The following CDH18 variants were observed in gnomAD, a reference collection of about 807,000 sequenced individuals.
CDH18 encodes cadherin-18.
In CDH18, 31 loss-of-function variants were observed where a neutral mutation model predicts 67.9. The ratio of observed to expected loss-of-function variants is 0.46; its 90% CI spans 0.34 to 0.62. The LOEUF is 0.62. Among genes scored for constraint, CDH18 ranks in the 20% least tolerant of loss-of-function variants. CDH18 has a pLI of 0.01. For missense variants in CDH18, 890 were observed against 975.5 expected, an observed-to-expected ratio of 0.91 and a Z score of 1.17; for synonymous variants, 362 against 347.2, an observed-to-expected ratio of 1.04 and a Z score of -0.48.
intron 11 of CDH18, among the ~76,000 whole-genome samples, chr5:19,490,639 T>C (rs1741314847): frequency 6.6e-6 from 1 of 151,966 alleles, no homozygotes; most frequent in Admixed American, 6.6e-5. Context: ...GATCTCAATC[T>C]CTGGACCTCA....
At chr5:20,304,610 CAG>C in intron 1 of CDH18, 6 of 1,611,998 alleles carry the variant, frequency 3.7e-6, no homozygotes, top group Non-Finnish European at 5.1e-6. Context: ...GAGCCCAAAA[CAG>C]AGCTATCAAC....
At chr5:20,249,618 C>G (rs544692807) in intron 2 of CDH18, among the ~76,000 whole-genome samples, 74 of 152,196 alleles carry the variant, frequency 4.9e-4, no homozygotes, top group Non-Finnish European at 9.4e-4. Flanking sequence ...GATCCGCCCG[C>G]CTCGGCCTCC....
intron 1 of CDH18, among the ~76,000 whole-genome samples, chr5:20,366,083 T>G (rs1315235228): frequency 1.3e-5 from 2 of 152,162 alleles, no homozygotes; most frequent in African/African-American, 2.4e-5. Context: ...TCTTCCATGA[T>G]CATCAGAGGT....
At chr5:19,618,931 TAA>T in intron 5 of CDH18, among the ~76,000 whole-genome samples, 1 of 152,314 alleles carries the variant, frequency 6.6e-6, no homozygotes, top group East Asian at 1.9e-4. Flanking sequence ...TTGGCAGCAG[TAA>T]GTCTTCTCTT....
chr5:19,967,291 T>C (rs1275757142), intron 2 of CDH18, among the ~76,000 whole-genome samples: 1 of 152,098 alleles, frequency 6.6e-6, no homozygotes, highest in Non-Finnish European at 1.5e-5. Flanking sequence ...AATATTATTT[T>C]AGACTTTTGA....
chr5:19,900,872 C>T (rs745761099), intron 2 of CDH18, among the ~76,000 whole-genome samples: 1 of 152,060 alleles, frequency 6.6e-6, no homozygotes. Flanking sequence ...TGAATAAAAA[C>T]ATGAATTTTT....
chr5:20,209,325 C>A (rs1313295580), intron 2 of CDH18, among the ~76,000 whole-genome samples: 4 of 151,930 alleles, frequency 2.6e-5, no homozygotes, highest in Non-Finnish European at 4.4e-5. Context: ...CAGCACTATA[C>A]AAAATAGCCA....
At chr5:19,980,304 A>C (rs771810924) in intron 2 of CDH18, among the ~76,000 whole-genome samples, 3 of 152,190 alleles carry the variant, frequency 2.0e-5, no homozygotes. Flanking sequence ...GAAATCATAG[A>C]TGACACAAAC....
Position 19,994,738 on chromosome 5 carries a change from TAGAGAGAGAGAGAGAGAGAGAGAGAG to T in CDH18, c.-517-2750_-517-2725del, listed in dbSNP as rs869278538. ...ATATATATATATATATATATATATA[TAGAGAGAGAGAGAGAGAGAGAGAGAG>T]AGAGAGAGAGAGAGAGAGAGAGAGA... On this transcript the variant is annotated intron_variant, in intron 2 of 14. Transcript: ENST00000507958. Among the ~76,000 whole-genome samples the T allele has an allele frequency of 8.4e-3, 114 of 13,568 alleles. 1 individual carries two copies. The highest frequency in any genetic ancestry group is 0.011 in the Non-Finnish European group (88 of 8,282). 8.9% of individuals were successfully genotyped at this position (13,568 alleles called of 152,430 possible).
chr5:20,047,627 T>C (rs569997406), intron 2 of CDH18, among the ~76,000 whole-genome samples: 213 of 151,906 alleles, frequency 1.4e-3, no homozygotes, highest in African/African-American at 4.8e-3. Flanking sequence ...TTGTTTAAGT[T>C]TGAAAAGTGC....
intron 5 of CDH18, among the ~76,000 whole-genome samples, chr5:19,669,538 G>A (rs188386433): frequency 1.3e-4 from 20 of 152,042 alleles, no homozygotes; most frequent in South Asian, 6.2e-4. Context: ...TGATCCTCCC[G>A]TCTCGGCCTC....
chr5:19,720,986 A>C (rs1766019464), intron 5 of CDH18, among the ~76,000 whole-genome samples: 1 of 152,166 alleles, frequency 6.6e-6, no homozygotes, highest in Non-Finnish European at 1.5e-5. Context: ...CTAAGAATTA[A>C]AACTAATATA....
chr5:19,880,368 C>T (rs147465294), intron 2 of CDH18, among the ~76,000 whole-genome samples: 3 of 151,878 alleles, frequency 2.0e-5, no homozygotes. Flanking sequence ...GAATGCAAAT[C>T]GAGTAATTTT....
chr5:19,639,654 A>G (rs1436262304), intron 5 of CDH18, among the ~76,000 whole-genome samples: 3 of 152,218 alleles, frequency 2.0e-5, no homozygotes, highest in Non-Finnish European at 4.4e-5. Context: ...CAGAGAGCAC[A>G]CAAGTGCTAT....
intron 5 of CDH18, among the ~76,000 whole-genome samples, chr5:19,618,442 A>C (rs371344635): frequency 3.9e-5 from 6 of 152,194 alleles, no homozygotes; most frequent in East Asian, 1.9e-4. Context: ...CTGGCCTCAA[A>C]TGATCCACCC....
At chr5:20,513,605 G>A (rs936822627) in intron 1 of CDH18, among the ~76,000 whole-genome samples, 25 of 152,066 alleles carry the variant, frequency 1.6e-4, no homozygotes, top group Non-Finnish European at 2.2e-4. Flanking sequence ...AGGCAGAAAT[G>A]TCCAGGTTGA....
intron 1 of CDH18, among the ~76,000 whole-genome samples, chr5:20,377,749 A>C (rs2150094996): frequency 6.6e-6 from 1 of 152,250 alleles, no homozygotes; most frequent in African/African-American, 2.4e-5. Context: ...ATATTTTGTA[A>C]TTTATATGGG....
At chr5:20,374,414 A>G (rs1390002308) in intron 1 of CDH18, among the ~76,000 whole-genome samples, 8 of 152,214 alleles carry the variant, frequency 5.3e-5, no homozygotes, top group Non-Finnish European at 1.2e-4. Context: ...GCCTCTCACT[A>G]TCAAAGGTAG....
chr5:19,508,056 G>GA (rs34220102), intron 10 of CDH18, among the ~76,000 whole-genome samples: 25,457 of 140,996 alleles, frequency 0.18, 2,356 homozygotes, highest in Non-Finnish European at 0.2. Context: ...TCGTATTTCT[G>GA]AAAAAAAAAA....
Sources: gnomAD v4.1 joint callset for allele counts (sites outside exome capture counted in the v4.1 genomes callset) on GRCh38, gnomAD v4.1.1 for gene constraint, MANE v1.5 for transcripts, NCBI Gene and HGNC (gene_info 2026-07-23, HGNC 2026-07-21) for gene names.